Variants in COXFA4 observed in about 807,000 individuals in gnomAD.
The protein encoded by COXFA4 is cytochrome c oxidase associated subunit FA4, also known as cytochrome c oxidase subunit FA4.
the COXFA4 span, chr7:10,932,744 T>C: frequency 6.6e-6 from 1 of 152,004 alleles, no homozygotes; most frequent in South Asian, 2.1e-4. Context: ...CTGAGGAGAA[T>C]GGATCGCTTG....
At chr7:10,936,974 T>G in the COXFA4 span, among the ~76,000 whole-genome samples, 1 of 152,112 alleles carries the variant, frequency 6.6e-6, no homozygotes, top group African/African-American at 2.4e-5. Context: ...AAGTGGAGGC[T>G]GTAGTGAGCC....
chr7:10,937,669 G>A, the COXFA4 span, among the ~76,000 whole-genome samples: 1 of 152,074 alleles, frequency 6.6e-6, no homozygotes. Context: ...TCAATAAATG[G>A]TCTCAGTCCA....
the COXFA4 span, among the ~76,000 whole-genome samples, chr7:10,937,376 A>C: frequency 6.6e-6 from 1 of 151,690 alleles, no homozygotes; most frequent in East Asian, 1.9e-4. Context: ...TCCACCTCCC[A>C]GGTTCAAGCG....
chr7:10,938,881 CAA>C, the COXFA4 span: 1 of 1,613,186 alleles, frequency 6.2e-7, no homozygotes, highest in Non-Finnish European at 8.5e-7. Flanking sequence ...CCAATAAATA[CAA>C]AGAGGGGGAT....
At chr7:10,937,530 G>A in the COXFA4 span, among the ~76,000 whole-genome samples, 4 of 152,102 alleles carry the variant, frequency 2.6e-5, no homozygotes, top group African/African-American at 9.7e-5. Flanking sequence ...TGATCTGCCC[G>A]CCTCAGCCTC....
At chr7:10,939,988 A>G in the COXFA4 span, 1 of 1,613,536 alleles carries the variant, frequency 6.2e-7, no homozygotes, top group South Asian at 1.1e-5. Context: ...GACAAGGGAA[A>G]ACATTAGGAG....
the COXFA4 span, chr7:10,938,535 A>G: frequency 2.3e-6 from 1 of 434,496 alleles, no homozygotes; most frequent in Non-Finnish European, 4.2e-6. Context: ...ATTATTTTAT[A>G]AAAACAATTA....
chr7:10,939,983 G>A, the COXFA4 span: 8 of 1,613,068 alleles, frequency 5.0e-6, no homozygotes, highest in South Asian at 1.1e-5. Flanking sequence ...AGAAGGACAA[G>A]GGAAAACATT....
the COXFA4 span, chr7:10,937,802 T>A: frequency 2.7e-6 from 1 of 376,694 alleles, no homozygotes; most frequent in East Asian, 5.1e-5. Flanking sequence ...ACAAGCTCTA[T>A]GTATAATGAA....
the COXFA4 span, chr7:10,939,074 C>T: frequency 1.8e-6 from 1 of 548,016 alleles, no homozygotes; most frequent in African/African-American, 1.9e-5. Flanking sequence ...TAACTGTGTT[C>T]TAAAGAAAGA....
the COXFA4 span, among the ~76,000 whole-genome samples, chr7:10,936,428 T>C: frequency 6.6e-6 from 1 of 152,220 alleles, no homozygotes. Flanking sequence ...ATACGCTCTT[T>C]GGTGGAAGAA....
At chr7:10,938,149 T>C in the COXFA4 span, 6 of 1,610,260 alleles carry the variant, frequency 3.7e-6, no homozygotes, top group Admixed American at 1.7e-5. Context: ...CTGTCCCAAC[T>C]AAAAGAAATA....
chr7:10,933,342 C>T, the COXFA4 span: 3 of 355,150 alleles, frequency 8.4e-6, no homozygotes, highest in African/African-American at 6.4e-5. Context: ...ACTAAAGCAG[C>T]TTAAAGTCGT....
At chr7:10,940,107 C>T in the COXFA4 span, 2 of 1,587,348 alleles carry the variant, frequency 1.3e-6, no homozygotes, top group Middle Eastern at 1.7e-4. Context: ...ACCTAGCCAC[C>T]AGGCCCTAAG....
the COXFA4 span, chr7:10,938,830 C>G: frequency 2.5e-6 from 4 of 1,613,406 alleles, no homozygotes; most frequent in Non-Finnish European, 3.4e-6. Flanking sequence ...TTGAACAATG[C>G]CAGACGCAAG....
At chr7:10,934,520 G>C in the COXFA4 span, among the ~76,000 whole-genome samples, 1 of 151,850 alleles carries the variant, frequency 6.6e-6, no homozygotes, top group South Asian at 2.1e-4. Context: ...ACTCATTCTT[G>C]TGCCAAAGAA....
chr7:10,936,014 A>C, the COXFA4 span, among the ~76,000 whole-genome samples: 8 of 152,178 alleles, frequency 5.3e-5, no homozygotes, highest in Admixed American at 5.2e-4. Context: ...ATTTCCTCCA[A>C]CTCATAATTT....
At chr7:10,938,327 GA>G in the COXFA4 span, 3 of 580,990 alleles carry the variant, frequency 5.2e-6, no homozygotes, top group African/African-American at 3.7e-5. Flanking sequence ...TAATCAATTA[GA>G]AAAAAGGTAG....
chr7:10,938,710 A>C, the COXFA4 span: 1 of 861,542 alleles, frequency 1.2e-6, no homozygotes, highest in Non-Finnish European at 2.0e-6. Flanking sequence ...TAAATGTAAC[A>C]TTCTTTCTAC....
Sources: gnomAD v4.1 joint callset for allele counts (sites outside exome capture counted in the v4.1 genomes callset) on GRCh38, gnomAD v4.1.1 for gene constraint, MANE v1.5 for transcripts, NCBI Gene and HGNC (gene_info 2026-07-23, HGNC 2026-07-21) for gene names.